The following CREB1 variants were observed in gnomAD, a reference collection of about 807,000 sequenced individuals.
CREB1 encodes cAMP responsive element binding protein 1.
A neutral mutation model predicts 42.0 loss-of-function variants in CREB1; 2 were observed. The observed-to-expected ratio is 0.05, with a 90% CI of 0.02 to 0.15. CREB1 has a LOEUF of 0.15. Ranked by LOEUF, CREB1 falls within the 10% of genes least tolerant of loss-of-function variation. CREB1 has a pLI of 1.00. For missense variants in CREB1, 199 were observed against 388.9 expected, an observed-to-expected ratio of 0.51 and a Z score of 4.11; for synonymous variants, 123 against 139.9, an observed-to-expected ratio of 0.88 and a Z score of 0.85.
At chr2:207,575,142 AC>A (rs1458840486) in intron 5 of CREB1, 129 bp from the exon 6 acceptor site, 1 of 882,422 alleles carries the variant, frequency 1.1e-6, no homozygotes, top group Admixed American at 2.4e-5. Flanking sequence ...AATATATTAG[AC>A]CCTTCTTGGT....
intron 3 of CREB1, among the ~76,000 whole-genome samples, chr2:207,562,246 T>C (rs1302808269): frequency 6.6e-6 from 1 of 152,204 alleles, no homozygotes; most frequent in African/African-American, 2.4e-5. Context: ...AGTTTGGACA[T>C]TAATAAGTCA....
At chr2:207,567,421 A>C (rs1396389939) in intron 3 of CREB1, 42 bp from the exon 4 acceptor site, 1 of 1,418,288 alleles carries the variant, frequency 7.1e-7, no homozygotes, top group South Asian at 1.2e-5. Context: ...TTTTACAGGA[A>C]CTAAATTTGA....
chr2:207,546,265 T>C (rs559733642), intron 1 of CREB1, among the ~76,000 whole-genome samples: 131 of 152,324 alleles, frequency 8.6e-4, no homozygotes, highest in African/African-American at 2.7e-3. Flanking sequence ...TTGATGTTGA[T>C]TCTTTCAAGA....
At position 207,575,310 on chromosome 2, in the gene CREB1, A is replaced by G; in HGVS notation, c.544A>G (p.Asn182Asp). The change falls in exon 6 of 8, where the codon AAT becomes GAT. Residue 182 changes from asparagine to aspartate, a missense_variant. Physicochemically the swap from Asn to Asp is conservative, Grantham distance 23. Coordinates refer to ENST00000353267, the MANE Select transcript of CREB1 (RefSeq NM_004379.5). ...GGGAGGAGCAATACAGCTGGCTAAC[A>G]ATGGTACCGATGGGGTACAGGGCCT... ...TQGGAIQLAN[N>D]GTDGVQGLQT... The G allele has an allele frequency of 6.2e-7, 1 of 1,614,118 alleles. No homozygotes were observed. Among genetic ancestry groups the G allele is most frequent in the Non-Finnish European group, 8.5e-7 (1 of 1,179,986 alleles).
intron 5 of CREB1, chr2:207,571,768 A>G (rs374779901): frequency 4.4e-6 from 2 of 454,716 alleles, no homozygotes; most frequent in Middle Eastern, 3.2e-4. Context: ...CCTGTCAGTA[A>G]CAGATTCACT....
At chr2:207,549,382 A>G (rs1470450402) in intron 1 of CREB1, among the ~76,000 whole-genome samples, 1 of 152,044 alleles carries the variant, frequency 6.6e-6, no homozygotes, top group African/African-American at 2.4e-5. Context: ...GGTTGGACAT[A>G]TGGTAAAGAT....
At chr2:207,595,352 T>G (rs2085937021) in intron 7 of CREB1, among the ~76,000 whole-genome samples, 1 of 152,046 alleles carries the variant, frequency 6.6e-6, no homozygotes, top group African/African-American at 2.4e-5. Flanking sequence ...TCTGTTCAAG[T>G]CCCTATGCCC....
Position 207,599,042 on chromosome 2 carries a change from A to G in CREB1, c.*1984A>G, listed in dbSNP as rs1380188534. The G allele has an allele frequency of 1.1e-5, 2 of 187,468 alleles. No individual in the cohort carries two copies. Among genetic ancestry groups the G allele is most frequent in the Non-Finnish European group, 1.1e-5 (1 of 89,060 alleles). 11.6% of individuals were successfully genotyped at this position (187,468 alleles called of 1,614,324 possible). A position where few individuals can be genotyped will look rare whatever the true frequency, so the allele number is the denominator to read the frequency against. On this transcript the variant is annotated 3_prime_UTR_variant, in exon 8 of 8. Coordinates refer to ENST00000353267, the MANE Select transcript of CREB1 (RefSeq NM_004379.5). ...ATTTTAATTAACATTTGTAAATGGT[A>G]TATTTTCGTTTGTAACAAACCATTG...
chr2:207,556,859 G>A (rs942096552), intron 2 of CREB1, among the ~76,000 whole-genome samples: 1 of 152,174 alleles, frequency 6.6e-6, no homozygotes, highest in African/African-American at 2.4e-5. Context: ...ATGCTAGGCC[G>A]GGCGCTGTGG....
chr2:207,576,746 A>G, intron 6 of CREB1: 1 of 1,099,664 alleles, frequency 9.1e-7, no homozygotes, highest in Non-Finnish European at 1.1e-6. Context: ...ATTTTAATTG[A>G]TATTAATAAT....
chr2:207,555,164 T>C (rs937023947), intron 1 of CREB1, among the ~76,000 whole-genome samples: 2 of 152,196 alleles, frequency 1.3e-5, no homozygotes, highest in African/African-American at 2.4e-5. Context: ...GTTTCTTCCT[T>C]CTTATGGGGG....
chr2:207,548,017 C>T (rs1042990466), intron 1 of CREB1, among the ~76,000 whole-genome samples: 1 of 151,934 alleles, frequency 6.6e-6, no homozygotes, highest in African/African-American at 2.4e-5. Context: ...TCACTACAAC[C>T]CCCACCTCCC....
intron 6 of CREB1, chr2:207,576,525 AG>A (rs1574880187): frequency 6.5e-6 from 2 of 309,416 alleles, no homozygotes; most frequent in Non-Finnish European, 6.2e-6. Context: ...ACTTATTTAA[AG>A]AGCCCTAATG....
At position 207,604,238 on chromosome 2, in the gene CREB1, G is replaced by A. The variant is rs1236375310; in HGVS notation, c.*7180G>A. Among the ~76,000 whole-genome samples the A allele has an allele frequency of 3.3e-5, 5 of 152,170 alleles. No individual in the cohort carries two copies. Among genetic ancestry groups the A allele is most frequent in the Non-Finnish European group, 7.3e-5 (5 of 68,028 alleles). The stretch of plus-strand genomic sequence containing the variant: ...CCATCCTTGAGAAGTCACATCCAAA[G>A]ATAAAATTCTGATCCATTTCTAGTT... On this transcript the variant is annotated 3_prime_UTR_variant, in exon 8 of 8. Transcript: ENST00000353267.
At position 207,600,022 on chromosome 2, in the gene CREB1, CTTA is replaced by C; in HGVS notation, c.*2966_*2968del. On this transcript the variant is annotated 3_prime_UTR_variant, in exon 8 of 8. Coordinates refer to ENST00000353267, the MANE Select transcript of CREB1 (RefSeq NM_004379.5). ...AGGGGTTTATTTTTGATATATTACT[CTTA>C]TGAGTTTTCAAGCTTTGATAATGTT... 1 of 189,328 alleles carries C rather than the reference CTTA, an allele frequency of 5.3e-6. No individual in the cohort carries two copies. The highest frequency in any genetic ancestry group is 8.4e-5 in the East Asian group (1 of 11,854). The allele number at this position is 189,328 out of a possible 1,614,324, so 11.7% of individuals were successfully genotyped here.
intron 7 of CREB1, among the ~76,000 whole-genome samples, chr2:207,591,649 T>C (rs1156636696): frequency 6.6e-6 from 1 of 152,158 alleles, no homozygotes; most frequent in Non-Finnish European, 1.5e-5. Flanking sequence ...GCCAGGCTGG[T>C]CTCAAACTCC....
intron 1 of CREB1, among the ~76,000 whole-genome samples, chr2:207,537,839 A>G (rs769776120): frequency 9.9e-5 from 15 of 152,072 alleles, no homozygotes; most frequent in Admixed American, 2.6e-4. Context: ...CCCTATGAAG[A>G]TAGGTTTTAC....
At chr2:207,577,375 T>C in intron 6 of CREB1, 130 bp from the exon 7 acceptor site, 1 of 1,265,378 alleles carries the variant, frequency 7.9e-7, no homozygotes, top group Non-Finnish European at 1.1e-6. Flanking sequence ...TTCAACGCTT[T>C]AGCCAGAATC....
At chr2:207,562,615 A>G (rs1353713075) in intron 3 of CREB1, among the ~76,000 whole-genome samples, 1 of 152,196 alleles carries the variant, frequency 6.6e-6, no homozygotes, top group Non-Finnish European at 1.5e-5. Flanking sequence ...GATTCTACAA[A>G]TAGAGATACA....
Sources: gnomAD v4.1 joint callset for allele counts (sites outside exome capture counted in the v4.1 genomes callset) on GRCh38, gnomAD v4.1.1 for gene constraint, MANE v1.5 for transcripts, NCBI Gene and HGNC (gene_info 2026-07-23, HGNC 2026-07-21) for gene names.